FASTKD1: variants seen among roughly 807,000 people sequenced by gnomAD.
The protein encoded by FASTKD1 is FAST kinase domain-containing protein 1, mitochondrial.
FASTKD1 carries 94 observed loss-of-function variants against 90.9 expected under a neutral mutation model. The observed-to-expected ratio is 1.03, with a 90% CI of 0.88 to 1.23. The LOEUF is 1.23. Ranked by LOEUF, FASTKD1 falls within the 50% of genes most tolerant of loss-of-function variation. The probability of loss-of-function intolerance (pLI) is 0.00; values close to 1 mark genes in which losing one functional copy is unlikely to be tolerated. For synonymous variants in FASTKD1, 319 were observed against 345.8 expected (o/e 0.92, Z 0.86); for missense variants, 945 against 993.5 (o/e 0.95, Z 0.66).
At chr2:169,543,101 T>C (rs1188725031) in intron 9 of FASTKD1, among the ~76,000 whole-genome samples, 1 of 152,116 alleles carries the variant, frequency 6.6e-6, no homozygotes, top group Non-Finnish European at 1.5e-5. Context: ...TGGCCAATCA[T>C]TTTATAAAAA....
chr2:169,561,686 C>T (rs1332179590), intron 4 of FASTKD1, among the ~76,000 whole-genome samples: 1 of 147,236 alleles, frequency 6.8e-6, no homozygotes, highest in African/African-American at 2.5e-5. Context: ...TAAATTAATC[C>T]ATTATAAATT....
chr2:169,537,447 C>T (rs12987510), intron 11 of FASTKD1, 107 bp from the exon 12 acceptor site: 31,694 of 649,356 alleles, frequency 0.049, 1,084 homozygotes, highest in Non-Finnish European at 0.062. Context: ...TGCAACGGCG[C>T]GATCTCAGCT....
intron 7 of FASTKD1, among the ~76,000 whole-genome samples, chr2:169,549,759 GC>G (rs1685409141): frequency 6.6e-6 from 1 of 152,096 alleles, no homozygotes; most frequent in Non-Finnish European, 1.5e-5. Flanking sequence ...GAGCCACTAT[GC>G]CTGGCCATTT....
At chr2:169,534,449 TG>T (rs1319917779) in intron 12 of FASTKD1, among the ~76,000 whole-genome samples, 2 of 145,208 alleles carry the variant, frequency 1.4e-5, no homozygotes, top group Non-Finnish European at 3.0e-5. Context: ...AAATTTCTGT[TG>T]TTTTTTTTTT....
intron 5 of FASTKD1, among the ~76,000 whole-genome samples, chr2:169,559,068 G>A (rs1398887051): frequency 2.0e-5 from 3 of 149,386 alleles, no homozygotes; most frequent in South Asian, 2.1e-4. Flanking sequence ...TGCACCTCCC[G>A]GGTTCAAGCG....
chr2:169,532,198 T>C (rs918140751), intron 12 of FASTKD1, among the ~76,000 whole-genome samples: 2 of 152,036 alleles, frequency 1.3e-5, no homozygotes, highest in African/African-American at 4.8e-5. Flanking sequence ...GGCAGGCAGA[T>C]TGCTTGAGCT....
intron 13 of FASTKD1, 188 bp from the exon 14 acceptor site, chr2:169,530,889 A>G: frequency 1.5e-6 from 1 of 683,090 alleles, no homozygotes; most frequent in Non-Finnish European, 2.7e-6. Context: ...ACACAAAATT[A>G]TTGTAAATAT....
intron 13 of FASTKD1, chr2:169,531,063 G>A (rs1384528893): frequency 2.9e-6 from 2 of 684,116 alleles, no homozygotes; most frequent in African/African-American, 3.5e-5. Flanking sequence ...AAGTGGCTAA[G>A]TGCTATGAGA....
At chr2:169,559,380 C>T (rs575311357) in intron 5 of FASTKD1, among the ~76,000 whole-genome samples, 1 of 152,276 alleles carries the variant, frequency 6.6e-6, no homozygotes, top group East Asian at 1.9e-4. Context: ...TTAAGTGAAT[C>T]TACTAATCAT....
At chr2:169,535,438 C>CTATT (rs888692142) in intron 12 of FASTKD1, among the ~76,000 whole-genome samples, 31 of 135,064 alleles carry the variant, frequency 2.3e-4, no homozygotes, top group African/African-American at 3.6e-4. Flanking sequence ...ACCATGCCTG[C>CTATT]TATTTATTTA....
intron 7 of FASTKD1, among the ~76,000 whole-genome samples, chr2:169,550,704 C>T (rs991908346): frequency 1.3e-5 from 2 of 152,180 alleles, no homozygotes; most frequent in African/African-American, 4.8e-5. Context: ...GTCTTGAATT[C>T]CTGGCCTCAA....
chr2:169,543,657 T>C (rs1398669690), intron 9 of FASTKD1, among the ~76,000 whole-genome samples: 4 of 152,182 alleles, frequency 2.6e-5, no homozygotes, highest in Non-Finnish European at 5.9e-5. Context: ...TACGCGCTTG[T>C]GCACATACAC....
At chr2:169,530,972 G>A (rs755613242) in intron 13 of FASTKD1, 1 of 674,444 alleles carries the variant, frequency 1.5e-6, no homozygotes, top group East Asian at 3.1e-5. Context: ...CCACTGTGAG[G>A]GGTACAAATA....
At chr2:169,570,009 G>A (rs1335665555) in intron 2 of FASTKD1, among the ~76,000 whole-genome samples, 1 of 151,084 alleles carries the variant, frequency 6.6e-6, no homozygotes, top group Admixed American at 6.6e-5. Flanking sequence ...AAAAAACATG[G>A]AATCATCCTT....
intron 4 of FASTKD1, 59 bp from the exon 5 acceptor site, chr2:169,560,844 T>C: frequency 1.7e-6 from 2 of 1,165,096 alleles, no homozygotes; most frequent in Non-Finnish European, 2.3e-6. Context: ...CAATTCTTTT[T>C]TTTTTTTTTT....
At chr2:169,544,988 A>G (rs543988629) in intron 8 of FASTKD1, among the ~76,000 whole-genome samples, 153 bp from the exon 9 acceptor site, 1 of 152,332 alleles carries the variant, frequency 6.6e-6, no homozygotes, top group Admixed American at 6.5e-5. Flanking sequence ...CCATCCTGCT[A>G]TAATTTATTT....
intron 11 of FASTKD1, 69 bp downstream of exon 11, chr2:169,537,944 T>C (rs1684795166): frequency 7.3e-7 from 1 of 1,368,604 alleles, no homozygotes; most frequent in Non-Finnish European, 1.0e-6. Flanking sequence ...ATAACAAGAT[T>C]AACAATGTAC....
At chr2:169,529,971 A>G (rs1684409942) in intron 14 of FASTKD1, 45 bp from the exon 15 acceptor site, 1 of 1,350,754 alleles carries the variant, frequency 7.4e-7, no homozygotes, top group African/African-American at 1.5e-5. Context: ...TAAAGCAACA[A>G]CAAAAAACAT....
chr2:169,548,386 A>G (rs1327461798), intron 7 of FASTKD1, among the ~76,000 whole-genome samples: 1 of 151,062 alleles, frequency 6.6e-6, no homozygotes, highest in Non-Finnish European at 1.5e-5. Context: ...CGAAATCCCC[A>G]TGGCAAGAGT....
Sources: allele counts gnomAD v4.1 joint callset (sites outside exome capture counted in the v4.1 genomes callset), GRCh38; gene constraint gnomAD v4.1.1; transcripts MANE v1.5; gene names NCBI Gene and HGNC (gene_info 2026-07-23, HGNC 2026-07-21).